The following DCDC1 variants were observed in gnomAD, a reference collection of about 807,000 sequenced individuals.
The protein encoded by DCDC1 is doublecortin domain containing 1.
Under a neutral mutation model 178.3 loss-of-function variants are expected in DCDC1, and 200 were observed. The observed-to-expected ratio is 1.12, with a 90% CI of 1.00 to 1.26. The LOEUF is 1.26. Ranked by LOEUF, DCDC1 falls within the 50% of genes most tolerant of loss-of-function variation. The pLI is 0.00. For missense variants in DCDC1, 1,983 were observed against 1,749.2 expected (o/e 1.13, Z -2.38); for synonymous variants, 690 against 604.8 (o/e 1.14, Z -2.07).
intron 8 of DCDC1, among the ~76,000 whole-genome samples, chr11:31,260,566 T>C (rs1335003545): frequency 1.3e-5 from 2 of 152,188 alleles, no homozygotes; most frequent in African/African-American, 4.8e-5. Context: ...ATTTAATTAA[T>C]GTAGTATTCT....
chr11:31,281,783 C>T (rs537484736), intron 7 of DCDC1, among the ~76,000 whole-genome samples: 9 of 152,224 alleles, frequency 5.9e-5, no homozygotes, highest in African/African-American at 2.2e-4. Flanking sequence ...CTCCCTCTTG[C>T]CACCACCATG....
chr11:31,102,853 G>A (rs975491036), intron 14 of DCDC1, among the ~76,000 whole-genome samples: 10 of 152,222 alleles, frequency 6.6e-5, no homozygotes, highest in African/African-American at 2.4e-4. Context: ...TTTATTGGAC[G>A]GCACTAAATA....
chr11:31,357,792 T>C (rs1408070157), intron 1 of DCDC1, among the ~76,000 whole-genome samples: 3 of 151,770 alleles, frequency 2.0e-5, no homozygotes, highest in Non-Finnish European at 2.9e-5. Context: ...TATACACCAA[T>C]AACAGACAAA....
At chr11:30,888,579 T>C (rs1317101677) in intron 36 of DCDC1, among the ~76,000 whole-genome samples, 1 of 151,996 alleles carries the variant, frequency 6.6e-6, no homozygotes, top group Admixed American at 6.5e-5. Flanking sequence ...TAGCCAGGTG[T>C]GGTGGCACAT....
At chr11:31,212,206 CAT>C (rs1434784991) in intron 9 of DCDC1, among the ~76,000 whole-genome samples, 3 of 150,480 alleles carry the variant, frequency 2.0e-5, no homozygotes, top group East Asian at 1.9e-4. Context: ...CAATTGCAAA[CAT>C]AAATTCTGTA....
chr11:31,175,731 A>G (rs1454316855), intron 9 of DCDC1, among the ~76,000 whole-genome samples: 1 of 152,200 alleles, frequency 6.6e-6, no homozygotes, highest in Non-Finnish European at 1.5e-5. Flanking sequence ...TGCCTTTAGC[A>G]AAACTGTGCC....
At chr11:31,294,120 G>C (rs1947427634) in intron 6 of DCDC1, among the ~76,000 whole-genome samples, 1 of 152,150 alleles carries the variant, frequency 6.6e-6, no homozygotes, top group African/African-American at 2.4e-5. Context: ...AGAGCTGCTT[G>C]TGCAGTTCAC....
intron 7 of DCDC1, among the ~76,000 whole-genome samples, chr11:31,277,899 C>G (rs1471288304): frequency 6.6e-6 from 1 of 152,004 alleles, no homozygotes; most frequent in African/African-American, 2.4e-5. Context: ...TTTACAAGAG[C>G]AAAAGTTTTT....
At chr11:30,911,148 A>G (rs1945418872) in intron 28 of DCDC1, among the ~76,000 whole-genome samples, 179 bp downstream of exon 28, 1 of 152,182 alleles carries the variant, frequency 6.6e-6, no homozygotes, top group African/African-American at 2.4e-5. Context: ...ATTAAACTAA[A>G]TTAAGAGGTA....
At chr11:31,213,095 CCCAG>C (rs1240898116) in intron 9 of DCDC1, among the ~76,000 whole-genome samples, 9 of 132,974 alleles carry the variant, frequency 6.8e-5, no homozygotes, top group Non-Finnish European at 8.0e-5. Context: ...CTATATAAAG[CCCAG>C]CCTCTCTCTC....
chr11:30,903,696 G>C lies in DCDC1; in HGVS notation c.4309-13C>G. 6.3e-7 allele frequency: 1 copy of C among 1,576,760 alleles called. No individual in the cohort carries two copies. The highest frequency in any genetic ancestry group is 8.6e-7 in the Non-Finnish European group (1 of 1,158,292). On this transcript the variant is annotated splice_polypyrimidine_tract_variant and intron_variant, in intron 31 of 38. Coordinates refer to ENST00000684477, the MANE Select transcript of DCDC1 (RefSeq NM_001387274.1). ...ATTCTGTAAGAAGCTAGATAACACA[G>C]GCAGTAAGGATCTGACAGGCAAAGG...
At chr11:31,315,664 T>A (rs1212678457) in intron 3 of DCDC1, among the ~76,000 whole-genome samples, 1 of 145,844 alleles carries the variant, frequency 6.9e-6, no homozygotes, top group Non-Finnish European at 1.5e-5. Context: ...TTTTTTTTTT[T>A]TTTATTAAAC....
At chr11:31,039,751 GAC>G (rs1187906933) in intron 20 of DCDC1, among the ~76,000 whole-genome samples, 1 of 152,082 alleles carries the variant, frequency 6.6e-6, no homozygotes, top group Non-Finnish European at 1.5e-5. Context: ...TACAGAAGCT[GAC>G]TGAAAATTAC....
intron 7 of DCDC1, chr11:31,280,653 G>A: frequency 4.0e-6 from 2 of 494,982 alleles, no homozygotes; most frequent in Admixed American, 2.4e-5. Flanking sequence ...TAATAAATAA[G>A]GCAGTGGCAA....
intron 9 of DCDC1, among the ~76,000 whole-genome samples, chr11:31,229,903 A>G (rs1975541855): frequency 6.6e-6 from 1 of 152,194 alleles, no homozygotes; most frequent in African/African-American, 2.4e-5. Context: ...AGTTAACATC[A>G]TATTCAACAG....
intron 21 of DCDC1, among the ~76,000 whole-genome samples, chr11:30,933,218 T>C (rs1947055007): frequency 6.6e-6 from 1 of 152,136 alleles, no homozygotes. Context: ...GCTCACCTTT[T>C]TTTTCTTTTT....
intron 9 of DCDC1, among the ~76,000 whole-genome samples, chr11:31,179,886 C>A (rs1350043575): frequency 6.6e-6 from 1 of 152,154 alleles, no homozygotes; most frequent in Non-Finnish European, 1.5e-5. Context: ...CAAAAATTCT[C>A]AACAAGATAT....
chr11:31,093,917 C>T, intron 16 of DCDC1, 133 bp downstream of exon 16: 1 of 656,312 alleles, frequency 1.5e-6, no homozygotes, highest in Non-Finnish European at 2.7e-6. Flanking sequence ...GCAGAGATGG[C>T]ATCTATAACA....
chr11:31,157,149 T>G (rs1965788954), intron 9 of DCDC1, among the ~76,000 whole-genome samples: 3 of 151,496 alleles, frequency 2.0e-5, no homozygotes, highest in Admixed American at 2.0e-4. Flanking sequence ...GAGGCCAAGC[T>G]GGGAGGATCG....
Sources: gnomAD v4.1 joint callset for allele counts (sites outside exome capture counted in the v4.1 genomes callset) on GRCh38, gnomAD v4.1.1 for gene constraint, MANE v1.5 for transcripts, NCBI Gene and HGNC (gene_info 2026-07-23, HGNC 2026-07-21) for gene names.